KIF1B: variants seen among roughly 807,000 people sequenced by gnomAD.
KIF1B encodes kinesin family member 1B, also known as kinesin-like protein KIF1B.
In KIF1B, 76 loss-of-function variants were observed where a neutral mutation model predicts 241.9. The ratio of observed to expected loss-of-function variants is 0.31; its 90% CI spans 0.26 to 0.38. The LOEUF is 0.38. Among genes scored for constraint, KIF1B ranks in the 10% least tolerant of loss-of-function variants. The pLI is 1.00. For missense variants in KIF1B, 1,622 were observed against 2,271.4 expected (o/e 0.71, Z 5.81); for synonymous variants, 750 against 796.7 (o/e 0.94, Z 0.99).
At position 10,377,202 on chromosome 1, in the gene KIF1B, G is replaced by A. The variant is rs1342306121; in HGVS notation, c.*615G>A. ...TGCATTTCCATTCAGGGAAAAGGTG[G>A]TAGTGAGCATAGAACTGCAACAGTT... On this transcript the variant is annotated 3_prime_UTR_variant, in exon 49 of 49. Transcript: ENST00000676179. 1 of 236,934 alleles carries A rather than the reference G, an allele frequency of 4.2e-6. No homozygotes were observed. The highest frequency in any genetic ancestry group is 8.4e-6 in the Non-Finnish European group (1 of 119,610). 14.7% of individuals were successfully genotyped at this position (236,934 alleles called of 1,614,324 possible).
chr1:10,294,388 A>G (rs575583047), intron 17 of KIF1B, among the ~76,000 whole-genome samples: 67 of 152,210 alleles, frequency 4.4e-4, no homozygotes, highest in African/African-American at 1.5e-3. Flanking sequence ...AACTGATAAA[A>G]ATTATAGTGG....
At position 10,336,641 on chromosome 1, in the gene KIF1B, T is replaced by C; in HGVS notation, c.3044-16T>C. 6.2e-7 allele frequency: 1 copy of C among 1,610,498 alleles called. No individual in the cohort carries two copies. Among genetic ancestry groups the C allele is most frequent in the South Asian group, 1.1e-5 (1 of 90,994 alleles). ...TAGTCTCACTCAATTCTTGCTAATTTTTTTTTCTGCTTTAGCGGATGAAGA... is the reference window on the plus strand; with the variant it reads ...TAGTCTCACTCAATTCTTGCTAATTCTTTTTTCTGCTTTAGCGGATGAAGA... On this transcript the variant is annotated splice_polypyrimidine_tract_variant and intron_variant, in intron 28 of 48. Coordinates refer to ENST00000676179, the MANE Select transcript of KIF1B (RefSeq NM_001365951.3).
chr1:10,296,058 A>T (rs1485234970), intron 19 of KIF1B, among the ~76,000 whole-genome samples: 2 of 152,230 alleles, frequency 1.3e-5, no homozygotes, highest in Non-Finnish European at 2.9e-5. Flanking sequence ...AATAGCAGAT[A>T]TCCTGGGTAA....
intron 2 of KIF1B, among the ~76,000 whole-genome samples, chr1:10,242,889 A>T (rs536730302): frequency 6.6e-6 from 1 of 152,268 alleles, no homozygotes; most frequent in South Asian, 2.1e-4. Context: ...ACAGGTTGTT[A>T]TGTGGTGCAT....
chr1:10,242,972 G>C (rs1447010250), intron 2 of KIF1B, among the ~76,000 whole-genome samples: 2 of 152,160 alleles, frequency 1.3e-5, no homozygotes, highest in African/African-American at 2.4e-5. Context: ...TGGCTTACCA[G>C]AAAACTGTGG....
At position 10,273,010 on chromosome 1, in the gene KIF1B, G is replaced by A. The variant is rs77572584; in HGVS notation, c.865-4G>A. On this transcript the variant is annotated splice_region_variant and splice_polypyrimidine_tract_variant and intron_variant, in intron 9 of 48. Coordinates refer to ENST00000676179, the MANE Select transcript of KIF1B (RefSeq NM_001365951.3). ...TTTTCTCCTTTAAATGCTTTCACCTGTAGGATAACTGCACTAGCAAGGTAC... is the reference window on the plus strand; with the variant it reads ...TTTTCTCCTTTAAATGCTTTCACCTATAGGATAACTGCACTAGCAAGGTAC... 3.2e-6 allele frequency: 5 copies of A among 1,546,200 alleles called. No homozygotes were observed. The East Asian group carries it at 7.3e-5, about 23-fold the overall frequency.
intron 17 of KIF1B, among the ~76,000 whole-genome samples, chr1:10,294,653 A>G (rs895294174): frequency 6.6e-6 from 1 of 152,152 alleles, no homozygotes; most frequent in Non-Finnish European, 1.5e-5. Context: ...GGGTCAGTTG[A>G]GGTCAGTAGT....
chr1:10,337,673 C>A lies in KIF1B; in HGVS notation c.3422+140C>A. The A allele has an allele frequency of 1.0e-6, 1 of 977,942 alleles. No individual in the cohort carries two copies. The highest frequency in any genetic ancestry group is 1.6e-6 in the Non-Finnish European group (1 of 644,722). 60.6% of individuals were successfully genotyped at this position (977,942 alleles called of 1,614,324 possible). On this transcript the variant is annotated intron_variant, in intron 31 of 48. Coordinates refer to ENST00000676179, the MANE Select transcript of KIF1B (RefSeq NM_001365951.3). This position sits in a 1 kb window ranked among gnomAD's most constrained non-coding sequence, Gnocchi z 4.0. The stretch of plus-strand genomic sequence containing the variant: ...ATCAGTCTCTGAAGGAAAATACTTT[C>A]ATCACTCCTATGGGAGTGAGAACCA...
At position 10,261,983 on chromosome 1, in the gene KIF1B, G is replaced by GT; in HGVS notation, c.429+14dup. ...TTACTCTGTAGAGGTGAGTACAGCC[G>GT]TGAGTTGACACCGTAAGCCCTTGTT... is the stretch of plus-strand genomic sequence containing the variant. On this transcript the variant is annotated intron_variant, in intron 5 of 48. Transcript: ENST00000676179. 1 of 1,580,714 alleles carries GT rather than the reference G, an allele frequency of 6.3e-7. No individual in the cohort carries two copies. The highest frequency in any genetic ancestry group is 1.1e-5 in the South Asian group (1 of 90,362).
intron 1 of KIF1B, among the ~76,000 whole-genome samples, chr1:10,219,227 C>G (rs1287236546): frequency 6.6e-6 from 1 of 151,800 alleles, no homozygotes; most frequent in Non-Finnish European, 1.5e-5. Context: ...TTTGGGAGGC[C>G]GAGGCTGGTG....
At position 10,374,845 on chromosome 1, in the gene KIF1B, C is replaced by T. The variant is rs376873833; in HGVS notation, c.5097-9C>T. On this transcript the variant is annotated splice_polypyrimidine_tract_variant and intron_variant, in intron 46 of 48. Coordinates refer to ENST00000676179, the MANE Select transcript of KIF1B (RefSeq NM_001365951.3). The surrounding 1 kb of genome is among the most constrained non-coding windows in gnomAD (Gnocchi z 4.3). ...GAGAAACTAACTTTTGTCATATTGT[C>T]GTTTTTAGCTCAGTGGTCTCTAAGA... 294 of 1,613,322 alleles carry T rather than the reference C, an allele frequency of 1.8e-4. 1 individual carries two copies. In the African/African-American group the frequency reaches 3.3e-3, roughly 18 times the overall value.
Position 10,378,170 on chromosome 1 carries a change from C to G in KIF1B, c.*1583C>G. ...ATCCCAGGATTAAAACTAACCGTGA[C>G]CACTACTCCAAACAAAACACAATAT... On this transcript the variant is annotated 3_prime_UTR_variant, in exon 49 of 49. Transcript: ENST00000676179. 1.6e-6 allele frequency: 1 copy of G among 610,984 alleles called. No homozygotes were observed. Among genetic ancestry groups the G allele is most frequent in the Non-Finnish European group, 2.9e-6 (1 of 342,576 alleles). 37.8% of individuals were successfully genotyped at this position (610,984 alleles called of 1,614,324 possible).
intron 2 of KIF1B, among the ~76,000 whole-genome samples, chr1:10,234,865 A>G (rs938828213): frequency 6.6e-6 from 1 of 151,098 alleles, no homozygotes; most frequent in African/African-American, 2.4e-5. Context: ...GAGACTAGAC[A>G]TACTAAAATA....
chr1:10,279,806 T>C (rs1649317176), intron 14 of KIF1B, among the ~76,000 whole-genome samples: 1 of 147,804 alleles, frequency 6.8e-6, no homozygotes, highest in South Asian at 2.2e-4. Context: ...AAGTGATCTT[T>C]CCAGCTCAGC....
intron 32 of KIF1B, among the ~76,000 whole-genome samples, chr1:10,340,305 A>G (rs1027436666): frequency 1.3e-5 from 2 of 152,222 alleles, no homozygotes; most frequent in African/African-American, 2.4e-5. Context: ...TAATTAACAC[A>G]TTAATGCCCT....
Position 10,211,902 on chromosome 1 carries a change from A to G in KIF1B, c.-80+1024A>G, listed in dbSNP as rs186722745. On this transcript the variant is annotated intron_variant, in intron 1 of 48. Coordinates refer to ENST00000676179, the MANE Select transcript of KIF1B (RefSeq NM_001365951.3). The stretch of plus-strand genomic sequence containing the variant: ...CCACTGTATCAGTATGGAGGCCTCG[A>G]GTAGCCGTAGAGCATTGGATGGATA... Among the ~76,000 whole-genome samples, 308 of 152,304 alleles carry G rather than the reference A, an allele frequency of 2.0e-3. 2 individuals carry two copies. Among genetic ancestry groups the G allele is most frequent in the African/African-American group, 7.2e-3 (300 of 41,568 alleles).
intron 2 of KIF1B, among the ~76,000 whole-genome samples, chr1:10,240,244 T>G (rs192294758): frequency 9.9e-5 from 15 of 151,688 alleles, no homozygotes; most frequent in Admixed American, 5.3e-4. Flanking sequence ...AGTCTCACTT[T>G]GTTGCCCAGG....
chr1:10,318,253 A>C (rs961000504), intron 22 of KIF1B, among the ~76,000 whole-genome samples: 8 of 151,474 alleles, frequency 5.3e-5, no homozygotes, highest in Admixed American at 2.6e-4. Context: ...CATCCTTCTG[A>C]GCATTGCTTG....
At chr1:10,296,740 T>C in intron 20 of KIF1B, 75 bp downstream of exon 20, 1 of 1,464,562 alleles carries the variant, frequency 6.8e-7, no homozygotes, top group African/African-American at 1.4e-5. Flanking sequence ...TTTGGCTGTT[T>C]AAAGGCTGAA....
Sources: allele counts gnomAD v4.1 joint callset (sites outside exome capture counted in the v4.1 genomes callset), GRCh38; gene constraint gnomAD v4.1.1; non-coding constraint Gnocchi (gnomAD v3.1); transcripts MANE v1.5; gene names NCBI Gene and HGNC (gene_info 2026-07-23, HGNC 2026-07-21).